Variants in PACRG observed in about 807,000 individuals in gnomAD.
The protein encoded by PACRG is parkin coregulated gene protein.
Under a neutral mutation model 29.7 loss-of-function variants are expected in PACRG, and 29 were observed. The observed-to-expected ratio is 0.98, with a 90% CI of 0.73 to 1.33. The LOEUF (loss-of-function observed/expected upper bound fraction) is 1.33. Among genes scored for constraint, PACRG ranks in the 40% most tolerant of loss-of-function variants. The pLI, the probability that PACRG is intolerant of heterozygous loss-of-function variation, is 0.00. For synonymous variants in PACRG, 116 were observed against 118.7 expected (o/e 0.98, Z 0.15); for missense variants, 279 against 316.2 (o/e 0.88, Z 0.89).
chr6:163,038,203 C>T (rs1808383662), intron 2 of PACRG, among the ~76,000 whole-genome samples: 2 of 152,096 alleles, frequency 1.3e-5, no homozygotes, highest in Non-Finnish European at 2.9e-5. Context: ...ACACCTTAAC[C>T]ACTATTATGT....
chr6:163,187,500 G>A lies in PACRG; in HGVS notation c.613+98092G>A, dbSNP rs570622354. ...ATGAATGTATCTGCTTTCCACCCCA[G>A]ACTTCATCATGGTGCTGCAACGTTG... On this transcript the variant is annotated intron_variant, in intron 4 of 4. Coordinates refer to ENST00000366888, the MANE Select transcript of PACRG (RefSeq NM_001080379.2). 9.0e-4 allele frequency among the ~76,000 whole-genome samples: 137 copies of A among 152,234 alleles called. 2 individuals carry two copies. The highest frequency in any genetic ancestry group is 9.2e-4 in the Admixed American group (14 of 15,296).
intron 4 of PACRG, among the ~76,000 whole-genome samples, chr6:163,281,528 C>G (rs970697): frequency 0.011 from 1,699 of 151,748 alleles, 34 homozygotes; most frequent in African/African-American, 0.039. Context: ...TAACAATAGC[C>G]AAAAATCAAG....
At chr6:163,279,048 G>T (rs769310539) in intron 4 of PACRG, among the ~76,000 whole-genome samples, 6 of 152,230 alleles carry the variant, frequency 3.9e-5, no homozygotes, top group Admixed American at 3.9e-4. Context: ...GGTCTTTCAT[G>T]TCCTTGGTTA....
intron 2 of PACRG, among the ~76,000 whole-genome samples, chr6:162,868,592 C>A (rs990647047): frequency 6.6e-6 from 1 of 152,150 alleles, no homozygotes; most frequent in African/African-American, 2.4e-5. Context: ...TGAGTTTCTT[C>A]CAGCCCCGCC....
intron 1 of PACRG, among the ~76,000 whole-genome samples, chr6:162,764,109 A>C (rs1400764829): frequency 6.6e-6 from 1 of 152,090 alleles, no homozygotes; most frequent in Non-Finnish European, 1.5e-5. Context: ...CCCCGTCTCT[A>C]CTAAAAATAC....
intron 4 of PACRG, among the ~76,000 whole-genome samples, chr6:163,158,590 A>G (rs1290896329): frequency 1.3e-5 from 2 of 152,210 alleles, no homozygotes; most frequent in Non-Finnish European, 2.9e-5. Flanking sequence ...AGCAAGGACA[A>G]CTTTTCAAAT....
Position 162,747,455 on chromosome 6 carries a change from T to A in PACRG, c.156+19064T>A, listed in dbSNP as rs1224562248. ...ATGTAAAACTATATATATATATAAC[T>A]ATAAATATATATGTAAAACTATATA... On this transcript the variant is annotated intron_variant, in intron 1 of 4. Transcript: ENST00000366888. Among the ~76,000 whole-genome samples the A allele has an allele frequency of 4.6e-4, 29 of 62,556 alleles. 4 individuals carry two copies. The highest frequency in any genetic ancestry group is 8.9e-5 in the Non-Finnish European group (3 of 33,848). 41.0% of individuals were successfully genotyped at this position (62,556 alleles called of 152,430 possible). A position where few individuals can be genotyped will look rare whatever the true frequency, so the allele number is the denominator to read the frequency against.
chr6:162,851,597 C>T (rs1412451540), intron 2 of PACRG, among the ~76,000 whole-genome samples: 1 of 152,160 alleles, frequency 6.6e-6, no homozygotes, highest in Non-Finnish European at 1.5e-5. Flanking sequence ...TTCTCACCAT[C>T]AGTCATTTTA....
At chr6:162,868,534 G>A (rs1387875095) in intron 2 of PACRG, among the ~76,000 whole-genome samples, 1 of 152,172 alleles carries the variant, frequency 6.6e-6, no homozygotes, top group Non-Finnish European at 1.5e-5. Flanking sequence ...AGGAACAGAG[G>A]ATAGGGACTC....
chr6:162,838,126 A>G (rs1338895437), intron 2 of PACRG, among the ~76,000 whole-genome samples: 2 of 152,160 alleles, frequency 1.3e-5, no homozygotes, highest in African/African-American at 2.4e-5. Flanking sequence ...TTATTATTAC[A>G]TATCATTTTA....
intron 2 of PACRG, among the ~76,000 whole-genome samples, chr6:162,917,210 A>T (rs1295285244): frequency 2.0e-5 from 3 of 152,176 alleles, no homozygotes; most frequent in Non-Finnish European, 2.9e-5. Context: ...TCTCCATTAT[A>T]CAGTGAGGTA....
At chr6:162,956,395 GCTTTGC>G (rs1232683666) in intron 2 of PACRG, among the ~76,000 whole-genome samples, 1 of 152,284 alleles carries the variant, frequency 6.6e-6, no homozygotes, top group African/African-American at 2.4e-5. Context: ...ACGATCAGCA[GCTTTGC>G]CCCGCTTTAC....
At chr6:163,098,944 C>T (rs1227475600) in intron 4 of PACRG, among the ~76,000 whole-genome samples, 1 of 152,132 alleles carries the variant, frequency 6.6e-6, no homozygotes, top group Non-Finnish European at 1.5e-5. Context: ...CTCTCATCGC[C>T]ATCTTGGTTT....
intron 2 of PACRG, among the ~76,000 whole-genome samples, chr6:162,883,712 G>GTGTGTGTGTGTGTGTGTGTA (rs148140118): frequency 1.3e-5 from 2 of 149,860 alleles, no homozygotes; most frequent in South Asian, 2.1e-4. Flanking sequence ...GTGTGTGTGT[G>GTGTGTGTGTGTGTGTGTGTA]TGTATGTATG....
chr6:163,260,228 G>A (rs913581611), intron 4 of PACRG, among the ~76,000 whole-genome samples: 1 of 152,230 alleles, frequency 6.6e-6, no homozygotes, highest in Non-Finnish European at 1.5e-5. Context: ...CCCCTTCAGC[G>A]ATCGCTGGCA....
At position 162,816,761 on chromosome 6, in the gene PACRG, G is replaced by A. The variant is rs138391753; in HGVS notation, c.291+2480G>A. Among the ~76,000 whole-genome samples, 739 of 152,304 alleles carry A rather than the reference G, an allele frequency of 4.9e-3. 1 individual carries two copies. The highest frequency in any genetic ancestry group is 7.1e-3 in the Non-Finnish European group (484 of 68,022). ...CAATCTGGTGCTAAGTAGGAGGAGG[G>A]ACTTGTTTTAGGATGCCATTCTTAA... On this transcript the variant is annotated intron_variant, in intron 2 of 4. Transcript: ENST00000366888.
intron 2 of PACRG, among the ~76,000 whole-genome samples, chr6:162,900,104 G>A (rs1048003708): frequency 3.9e-5 from 6 of 152,038 alleles, no homozygotes; most frequent in African/African-American, 1.4e-4. Context: ...CTGATGCTCT[G>A]GTATCAGAGC....
At chr6:162,822,005 T>C (rs952305131) in intron 2 of PACRG, among the ~76,000 whole-genome samples, 1 of 152,194 alleles carries the variant, frequency 6.6e-6, no homozygotes, top group African/African-American at 2.4e-5. Context: ...ATTGAAGTTT[T>C]TGTTGTCTTT....
At chr6:163,023,984 A>G (rs1268254722) in intron 2 of PACRG, among the ~76,000 whole-genome samples, 3 of 152,058 alleles carry the variant, frequency 2.0e-5, no homozygotes, top group South Asian at 2.1e-4. Context: ...TGTTGAATGC[A>G]TGGTTTACAA....
Sources: allele counts gnomAD v4.1 joint callset (sites outside exome capture counted in the v4.1 genomes callset), GRCh38; gene constraint gnomAD v4.1.1; transcripts MANE v1.5; gene names NCBI Gene and HGNC (gene_info 2026-07-23, HGNC 2026-07-21).